The following TRPM6 variants were observed in gnomAD, a reference collection of about 807,000 sequenced individuals.
TRPM6 encodes the protein channel kinase 2.
TRPM6 carries 111 observed loss-of-function variants against 247.6 expected under a neutral mutation model. The observed-to-expected ratio is 0.45, with a 90% CI of 0.38 to 0.52. The LOEUF (loss-of-function observed/expected upper bound fraction) is 0.52. Among genes scored for constraint, TRPM6 ranks in the 20% least tolerant of loss-of-function variants. The pLI, the probability that TRPM6 is intolerant of heterozygous loss-of-function variation, is 0.00. For synonymous variants in TRPM6, 892 were observed against 853.8 expected, an observed-to-expected ratio of 1.04 and a Z score of -0.78; for missense variants, 2,126 against 2,421.5, an observed-to-expected ratio of 0.88 and a Z score of 2.56.
intron 11 of TRPM6, among the ~76,000 whole-genome samples, chr9:74,814,896 C>T (rs765150108): frequency 6.6e-6 from 1 of 151,844 alleles, no homozygotes; most frequent in African/African-American, 2.4e-5. Flanking sequence ...TGAAGTGAGC[C>T]GAGATCATGC....
intron 1 of TRPM6, among the ~76,000 whole-genome samples, chr9:74,865,354 G>A (rs369488924): frequency 1.3e-5 from 2 of 152,130 alleles, no homozygotes; most frequent in Admixed American, 6.5e-5. Context: ...TGTCACTCAC[G>A]CTTCAGGGTT....
At chr9:74,810,678 T>A (rs1828698710) in intron 13 of TRPM6, 137 bp downstream of exon 13, 3 of 781,230 alleles carry the variant, frequency 3.8e-6, no homozygotes. Flanking sequence ...ATGAACTTGT[T>A]CAAATCAAGG....
chr9:74,740,536 G>T (rs1825828341), intron 33 of TRPM6, among the ~76,000 whole-genome samples: 1 of 152,034 alleles, frequency 6.6e-6, no homozygotes, highest in South Asian at 2.1e-4. Context: ...CATATCTTGG[G>T]GATGGGACCC....
At position 74,762,849 on chromosome 9, in the gene TRPM6, C is replaced by T; in HGVS notation, c.3822G>A (p.Gln1274=). The T allele has an allele frequency of 6.2e-7, 1 of 1,614,058 alleles. No homozygotes were observed. The highest frequency in any genetic ancestry group is 8.5e-7 in the Non-Finnish European group (1 of 1,179,994). Residue 1274 remains glutamine (Q), a synonymous_variant, in exon 26 of 39, where the codon CAG becomes CAA. Transcript: ENST00000360774. ...SMEIAGEKKY[Q]YYSMPSSLLR... ...GCAAAGAAGAGGGCATGCTATAATACTGGTATTTCTTCTCTCCAGCGATCT... is the reference window on the plus strand; with the variant it reads ...GCAAAGAAGAGGGCATGCTATAATATTGGTATTTCTTCTCTCCAGCGATCT...
At chr9:74,800,532 C>A in intron 16 of TRPM6, 50 bp from the exon 17 acceptor site, 1 of 1,257,678 alleles carries the variant, frequency 8.0e-7, no homozygotes, top group Non-Finnish European at 1.2e-6. Context: ...GAGAGAGCTG[C>A]ATTATTAGAA....
intron 14 of TRPM6, chr9:74,804,762 G>T (rs1828474684): frequency 2.6e-6 from 2 of 759,404 alleles, no homozygotes; most frequent in Middle Eastern, 3.0e-4. Context: ...AGCAACCACT[G>T]AATGGTCTTA....
In TRPM6 at chr9:74,840,904, C is replaced by CT. The variant is rs1829917552; in HGVS notation, c.331-668dup. On this transcript the variant is annotated intron_variant, in intron 4 of 38. Coordinates refer to ENST00000360774, the MANE Select transcript of TRPM6 (RefSeq NM_017662.5). ...TATTTCGAACAACTGGCCAAAATCA[C>CT]TATGTCAGCAAACCTTTTCATCAGA... Among the ~76,000 whole-genome samples, 7 of 150,220 alleles carry CT rather than the reference C, an allele frequency of 4.7e-5. No individual in the cohort carries two copies. In the South Asian group the frequency reaches 1.5e-3, roughly 32 times the overall value.
chr9:74,866,009 T>A (rs1830832400), intron 1 of TRPM6, among the ~76,000 whole-genome samples: 1 of 152,186 alleles, frequency 6.6e-6, no homozygotes, highest in Middle Eastern at 3.2e-3. Context: ...TTATTAGAAG[T>A]TACATGTTTG....
At chr9:74,871,291 C>T (rs561024391) in intron 1 of TRPM6, among the ~76,000 whole-genome samples, 1 of 152,216 alleles carries the variant, frequency 6.6e-6, no homozygotes, top group African/African-American at 2.4e-5. Flanking sequence ...ATCCAGTTTC[C>T]CTCTCAAAAG....
At chr9:74,740,912 G>A (rs1347169829) in intron 33 of TRPM6, among the ~76,000 whole-genome samples, 3 of 152,000 alleles carry the variant, frequency 2.0e-5, no homozygotes, top group African/African-American at 7.3e-5. Flanking sequence ...AAAATGCATG[G>A]TTTAACTCAG....
chr9:74,814,942 T>C (rs1828872933), intron 11 of TRPM6, among the ~76,000 whole-genome samples: 1 of 152,068 alleles, frequency 6.6e-6, no homozygotes, highest in Admixed American at 6.6e-5. Flanking sequence ...AGTGAGACCC[T>C]ATCTCAAAAA....
chr9:74,849,823 A>G (rs1830239463), intron 3 of TRPM6, among the ~76,000 whole-genome samples: 1 of 152,184 alleles, frequency 6.6e-6, no homozygotes, highest in African/African-American at 2.4e-5. Flanking sequence ...TACTCTCCCA[A>G]AGCCTCTATT....
rs929085516 is a variant in TRPM6 at position 74,798,555 on chromosome 9, T to G, written c.2239-1662A>C. 2.0e-5 allele frequency among the ~76,000 whole-genome samples: 3 copies of G among 152,346 alleles called. No individual in the cohort carries two copies. In the South Asian group the frequency reaches 6.2e-4, roughly 32 times the overall value. ...AACAGCTGGCTTATGAAATAGTATT[T>G]GACAACATCAGTATCCCATCTCTAA... On this transcript the variant is annotated intron_variant, in intron 17 of 38. Transcript: ENST00000360774.
Position 74,732,560 on chromosome 9 carries a change from C to A in TRPM6, c.5828+125G>T. On this transcript the variant is annotated intron_variant, in intron 37 of 38. Coordinates refer to ENST00000360774, the MANE Select transcript of TRPM6 (RefSeq NM_017662.5). Reference sequence around the variant, plus strand: ...AATCTTATTGTTTTTGGTCTATATACATAAGCTACCTAAAAACCTTTCTAG... The same window carrying A: ...AATCTTATTGTTTTTGGTCTATATAAATAAGCTACCTAAAAACCTTTCTAG... 7.2e-6 allele frequency: 5 copies of A among 689,956 alleles called. No individual in the cohort carries two copies. The Admixed American group carries it at 8.1e-5, about 11-fold the overall frequency. The allele number at this position is 689,956 out of a possible 1,614,324, so 42.7% of individuals were successfully genotyped here.
rs1024110997 is a variant in TRPM6 at position 74,724,451 on chromosome 9, T to G, written c.*162A>C. 1.0e-6 allele frequency: 1 copy of G among 994,620 alleles called. No individual in the cohort carries two copies. Among genetic ancestry groups the G allele is most frequent in the Non-Finnish European group, 1.5e-6 (1 of 648,620 alleles). The allele number at this position is 994,620 out of a possible 1,614,324, so 61.6% of individuals were successfully genotyped here. On this transcript the variant is annotated 3_prime_UTR_variant, in exon 39 of 39. Coordinates refer to ENST00000360774, the MANE Select transcript of TRPM6 (RefSeq NM_017662.5). ...GAGGTCAGTGTCTAGGAGAACCCAT[T>G]GATCATATACCAATGAGGCCTTTGA...
At chr9:74,847,252 G>A (rs1351423500) in intron 3 of TRPM6, among the ~76,000 whole-genome samples, 1 of 152,130 alleles carries the variant, frequency 6.6e-6, no homozygotes, top group East Asian at 1.9e-4. Context: ...CCAGGCTGGA[G>A]TGCAGTGGTG....
chr9:74,784,240 AC>A (rs1042334270), intron 21 of TRPM6, among the ~76,000 whole-genome samples: 25 of 150,670 alleles, frequency 1.7e-4, no homozygotes, highest in African/African-American at 5.4e-4. Flanking sequence ...TCCAGCCTGG[AC>A]AACAGAGCAA....
Position 74,762,628 on chromosome 9 carries a change from G to A in TRPM6, c.4043C>T (p.Pro1348Leu). The change falls in exon 26 of 39, where the codon CCC becomes CTC. Residue 1348 changes from proline (P) to leucine (L), a missense_variant. Transcript: ENST00000360774. ...HSKYGQFLLV[P>L]SNLKRVPFSA... ...AAAAGGAACTCGCTTTAGATTAGAG[G>A]GGACCAGAAGAAACTGGCCATACTT... is the stretch of plus-strand genomic sequence containing the variant. 6.2e-7 allele frequency: 1 copy of A among 1,614,168 alleles called. No homozygotes were observed. Among genetic ancestry groups the A allele is most frequent in the Non-Finnish European group, 8.5e-7 (1 of 1,180,032 alleles).
At chr9:74,834,973 A>G (rs1406332200) in intron 5 of TRPM6, among the ~76,000 whole-genome samples, 2 of 152,130 alleles carry the variant, frequency 1.3e-5, no homozygotes, top group Admixed American at 6.5e-5. Flanking sequence ...TGCTGGGTCA[A>G]ATGGTATTTC....
Sources: gnomAD v4.1 joint callset for allele counts (sites outside exome capture counted in the v4.1 genomes callset) on GRCh38, gnomAD v4.1.1 for gene constraint, MANE v1.5 for transcripts, NCBI Gene and HGNC (gene_info 2026-07-23, HGNC 2026-07-21) for gene names.